Variants in ANKRD36C observed in about 807,000 individuals in gnomAD.
The protein encoded by ANKRD36C is ankyrin repeat domain-containing protein 36C.
ANKRD36C carries 61 observed loss-of-function variants against 276.4 expected under a neutral mutation model. The observed-to-expected ratio is 0.22, with a 90% CI of 0.18 to 0.27. ANKRD36C has a LOEUF of 0.27. ANKRD36C is among the 10% of genes least tolerant of loss of function. ANKRD36C has a pLI of 1.00. For missense variants in ANKRD36C, 1,447 were observed against 2,032.3 expected (o/e 0.71, Z 5.54); for synonymous variants, 483 against 680.1 (o/e 0.71, Z 4.51).
intron 6 of ANKRD36C, among the ~76,000 whole-genome samples, chr2:95,974,068 A>G (rs1573813989): frequency 6.6e-6 from 1 of 151,670 alleles, no homozygotes; most frequent in Admixed American, 6.6e-5. Flanking sequence ...AAAAAAAATC[A>G]AGAAACTTAT....
chr2:95,858,048 AGC>A (rs1675462638), intron 61 of ANKRD36C, among the ~76,000 whole-genome samples: 1 of 152,024 alleles, frequency 6.6e-6, no homozygotes, highest in African/African-American at 2.4e-5. Context: ...ACAGCCTGGA[AGC>A]CCCAGCTTTG....
At chr2:95,878,198 A>C (rs1439730286) in intron 58 of ANKRD36C, among the ~76,000 whole-genome samples, 1 of 151,396 alleles carries the variant, frequency 6.6e-6, no homozygotes, top group Non-Finnish European at 1.5e-5. Flanking sequence ...AAAAAAAAAA[A>C]AGTGTATAAT....
At chr2:95,938,425 C>A (rs1054609422) in intron 22 of ANKRD36C, among the ~76,000 whole-genome samples, 6 of 151,440 alleles carry the variant, frequency 4.0e-5, no homozygotes, top group Admixed American at 1.3e-4. Flanking sequence ...AATGTAACAA[C>A]ACTGACATAA....
At chr2:95,923,549 C>G in exon 32 of ANKRD36C, 2 of 1,610,848 alleles carry the variant, frequency 1.2e-6, no homozygotes, top group Non-Finnish European at 1.7e-6. Flanking sequence ...AAAGCAGAAT[C>G]TGTCTTGTCA....
intron 28 of ANKRD36C, 101 bp downstream of exon 28, chr2:95,927,113 A>G: frequency 6.7e-7 from 1 of 1,503,650 alleles, no homozygotes; most frequent in Non-Finnish European, 9.1e-7. Flanking sequence ...GCTGAATCAG[A>G]ATGTGCAGCT....
chr2:95,856,032 T>C (rs1287997044), exon 63 of ANKRD36C: 4 of 1,610,774 alleles, frequency 2.5e-6, no homozygotes, highest in Non-Finnish European at 2.5e-6. Context: ...GTCTTCATGC[T>C]TTCTTTTCAC....
intron 24 of ANKRD36C, among the ~76,000 whole-genome samples, chr2:95,930,078 G>C (rs1346722357): frequency 6.6e-6 from 1 of 151,654 alleles, no homozygotes; most frequent in East Asian, 1.9e-4. Flanking sequence ...AACCATTTGG[G>C]ATTCAAGTAA....
At chr2:95,924,624 C>G (rs893007697) in intron 30 of ANKRD36C, among the ~76,000 whole-genome samples, 1 of 151,504 alleles carries the variant, frequency 6.6e-6, no homozygotes, top group Non-Finnish European at 1.5e-5. Flanking sequence ...CTAATATAGT[C>G]GTATTAAATT....
At chr2:95,975,199 C>A (rs575166321) in intron 6 of ANKRD36C, among the ~76,000 whole-genome samples, 8 of 152,120 alleles carry the variant, frequency 5.3e-5, no homozygotes, top group Non-Finnish European at 1.2e-4. Flanking sequence ...AATGGCCATA[C>A]TGCCCAAGGT....
chr2:95,953,679 AT>A (rs1678256732), intron 14 of ANKRD36C, among the ~76,000 whole-genome samples: 1 of 152,032 alleles, frequency 6.6e-6, no homozygotes, highest in African/African-American at 2.4e-5. Context: ...CCCGAACATC[AT>A]TTTTCTGTCA....
intron 59 of ANKRD36C, among the ~76,000 whole-genome samples, chr2:95,872,258 T>C (rs1461383845): frequency 1.5e-5 from 2 of 129,706 alleles, no homozygotes; most frequent in Non-Finnish European, 3.4e-5. Flanking sequence ...ATTGACCACA[T>C]ACTTGGAAGT....
At chr2:95,870,741 A>G (rs1675789453) in intron 59 of ANKRD36C, among the ~76,000 whole-genome samples, 1 of 152,198 alleles carries the variant, frequency 6.6e-6, no homozygotes, top group Admixed American at 6.5e-5. Context: ...AATTCAAACC[A>G]AAGGCGAAGA....
At chr2:95,874,750 A>C (rs1482541668) in intron 59 of ANKRD36C, among the ~76,000 whole-genome samples, 1 of 152,144 alleles carries the variant, frequency 6.6e-6, no homozygotes, top group Non-Finnish European at 1.5e-5. Flanking sequence ...GCAACCTACA[A>C]AATGGGAGAA....
chr2:95,926,195 C>G (rs757163991), intron 28 of ANKRD36C, among the ~76,000 whole-genome samples: 1 of 151,548 alleles, frequency 6.6e-6, no homozygotes, highest in Non-Finnish European at 1.5e-5. Flanking sequence ...AAAGGTTCTT[C>G]GTCCACTCAT....
In ANKRD36C at chr2:95,962,463, T is replaced by C. The variant is rs756083858; in HGVS notation, c.829-39A>G. The C allele has an allele frequency of 1.8e-5, 29 of 1,591,044 alleles. No individual in the cohort carries two copies. The Admixed American group carries it at 4.5e-4, about 25-fold the overall frequency. On this transcript the variant is annotated intron_variant, in intron 7 of 66. Coordinates refer to ENST00000456556, the Ensembl canonical transcript of ANKRD36C. ...GAAACAAAATAATCAATACGTAAAG[T>C]ATTTTTCACAGACTATATAGTTAAT...
chr2:95,910,804 T>G (rs192388111), intron 42 of ANKRD36C, among the ~76,000 whole-genome samples: 12 of 151,460 alleles, frequency 7.9e-5, no homozygotes, highest in Non-Finnish European at 1.3e-4. Flanking sequence ...CTCATATGTC[T>G]AAAACTAAAA....
chr2:95,852,181 C>G, exon 65 of ANKRD36C: 2 of 1,608,266 alleles, frequency 1.2e-6, no homozygotes, highest in Non-Finnish European at 1.7e-6. Flanking sequence ...GTAAGTTGAT[C>G]CTGTATTTCT....
intron 35 of ANKRD36C, 22 bp downstream of exon 37, chr2:95,917,992 A>G (rs1390158723): frequency 1.3e-6 from 2 of 1,599,562 alleles, no homozygotes; most frequent in East Asian, 2.3e-5. Flanking sequence ...ATAGAATACA[A>G]TGTAAATGAG....
chr2:95,917,825 C>G lies in ANKRD36C; in HGVS notation c.2347+30G>C, dbSNP rs576798106. 4.4e-6 allele frequency: 7 copies of G among 1,575,120 alleles called. No homozygotes were observed. In the South Asian group the frequency reaches 6.9e-5, roughly 15 times the overall value. On this transcript the variant is annotated intron_variant, in intron 36 of 66. Transcript: ENST00000456556. ...GAAGTTCTTTTCTATCTGGATTGAA[C>G]GTGACATTAAATGTCTTTTGCAAAA... is the stretch of plus-strand genomic sequence containing the variant.
Sources: allele counts gnomAD v4.1 joint callset (sites outside exome capture counted in the v4.1 genomes callset), GRCh38; gene constraint gnomAD v4.1.1; transcripts MANE v1.5; gene names NCBI Gene and HGNC (gene_info 2026-07-23, HGNC 2026-07-21).